The following TUSC3 variants were observed in gnomAD, a reference collection of about 807,000 sequenced individuals.
TUSC3 encodes the protein dolichyl-diphosphooligosaccharide--protein glycosyltransferase subunit TUSC3.
A neutral mutation model predicts 44.8 loss-of-function variants in TUSC3; 45 were observed. The observed-to-expected ratio is 1.00, with a 90% CI of 0.79 to 1.29. The LOEUF (loss-of-function observed/expected upper bound fraction) is 1.29, where lower values mean the gene tolerates loss of function less well. Among genes scored for constraint, TUSC3 ranks in the 50% most tolerant of loss-of-function variants. The pLI, the probability that TUSC3 is intolerant of heterozygous loss-of-function variation, is 0.00. For missense variants in TUSC3, 519 were observed against 437.9 expected, an observed-to-expected ratio of 1.19 and a Z score of -1.65; for synonymous variants, 212 against 152.9, an observed-to-expected ratio of 1.39 and a Z score of -2.85.
chr8:15,803,951 G>A, the TUSC3 span, among the ~76,000 whole-genome samples: 13 of 152,118 alleles, frequency 8.5e-5, no homozygotes, highest in East Asian at 7.7e-4. Flanking sequence ...GTCTATCATC[G>A]ATGGGCATTT....
intron 6 of TUSC3, among the ~76,000 whole-genome samples, chr8:15,689,867 A>AAT (rs3988418): frequency 0.36 from 51,388 of 142,744 alleles, 9,488 homozygotes; most frequent in South Asian, 0.48. Context: ...TGTGTGTATA[A>AAT]ATATATATAT....
chr8:15,639,553 C>T (rs1392501651), intron 2 of TUSC3, among the ~76,000 whole-genome samples: 2 of 152,134 alleles, frequency 1.3e-5, no homozygotes, highest in African/African-American at 2.4e-5. Context: ...ATCTTGATAG[C>T]TGCTTTTAAG....
rs377440855 is a variant in TUSC3 at position 15,735,677 on chromosome 8, C to T, written c.862+4948C>T. ...TGAAAAGATCATCATAATAAAGATACAGTGGATATGTTGATTTATTTTTTA... is the reference window on the plus strand; with the variant it reads ...TGAAAAGATCATCATAATAAAGATATAGTGGATATGTTGATTTATTTTTTA... On this transcript the variant is annotated intron_variant, in intron 7 of 10. Transcript: ENST00000503731. Among the ~76,000 whole-genome samples the T allele has an allele frequency of 7.8e-4, 119 of 152,060 alleles. 1 individual carries two copies. Among genetic ancestry groups the T allele is most frequent in the South Asian group, 5.4e-3 (26 of 4,820 alleles).
At chr8:15,526,576 G>A (rs538994655) in intron 2 of TUSC3, among the ~76,000 whole-genome samples, 2 of 135,716 alleles carry the variant, frequency 1.5e-5, no homozygotes, top group South Asian at 4.3e-4. Flanking sequence ...GTTTTATAAT[G>A]GGTTTCCCCT....
chr8:15,656,252 C>A (rs990925568), intron 3 of TUSC3, among the ~76,000 whole-genome samples: 1 of 152,094 alleles, frequency 6.6e-6, no homozygotes, highest in Non-Finnish European at 1.5e-5. Context: ...AGTACCAACT[C>A]AAAATTCCAA....
At chr8:15,841,091 A>C in the TUSC3 span, among the ~76,000 whole-genome samples, 1 of 152,120 alleles carries the variant, frequency 6.6e-6, no homozygotes, top group Admixed American at 6.6e-5. Context: ...CTAGTTTGGC[A>C]TTAATTATCA....
Position 15,522,221 on chromosome 8 carries a change from A to G in TUSC3, n.189+38738A>G, listed in dbSNP as rs118033446. Among the ~76,000 whole-genome samples the G allele has an allele frequency of 2.2e-3, 332 of 151,792 alleles. 1 individual carries two copies. In the East Asian group the frequency reaches 0.023, roughly 11 times the overall value. ...GGTAAGTGCTAGTAAGTCAATAAAT[A>G]GTATTCAGCCCTTTGTTTTTTTTTT... On this transcript the variant is annotated intron_variant and non_coding_transcript_variant, in intron 2 of 5. Coordinates refer to the TUSC3 transcript ENST00000503191.
the TUSC3 span, among the ~76,000 whole-genome samples, chr8:15,775,546 T>C: frequency 6.6e-6 from 1 of 151,826 alleles, no homozygotes; most frequent in Non-Finnish European, 1.5e-5. Flanking sequence ...CAAGAAGACA[T>C]GGTTCTCTTA....
At chr8:15,573,162 C>CTCTT (rs1554516640) in intron 1 of TUSC3, among the ~76,000 whole-genome samples, 7 of 105,086 alleles carry the variant, frequency 6.7e-5, no homozygotes, top group African/African-American at 2.8e-4. Context: ...ATAGTGTTCT[C>CTCTT]TCTCTTTCTC....
rs1585784739 is a variant in TUSC3 at position 15,429,495 on chromosome 8, A to G, written n.91+12190A>G. Reference sequence around the variant, plus strand: ...TATGAACTTCAAAGTAGTTTTTTCCAATTCTGTGAAGAAAGTCACTGGTAG... The same window carrying G: ...TATGAACTTCAAAGTAGTTTTTTCCGATTCTGTGAAGAAAGTCACTGGTAG... On this transcript the variant is annotated intron_variant and non_coding_transcript_variant, in intron 1 of 5. Transcript: ENST00000503191. 5.3e-5 allele frequency among the ~76,000 whole-genome samples: 8 copies of G among 151,368 alleles called. No individual in the cohort carries two copies. The South Asian group carries it at 1.7e-3, about 31-fold the overall frequency.
At chr8:15,423,595 T>C (rs1799764444) in intron 1 of TUSC3, among the ~76,000 whole-genome samples, 1 of 152,228 alleles carries the variant, frequency 6.6e-6, no homozygotes. Context: ...ACTCGATTTT[T>C]CTAGTTGTCC....
Position 15,485,986 on chromosome 8 carries a change from G to A in TUSC3, n.189+2503G>A, listed in dbSNP as rs759992961. Among the ~76,000 whole-genome samples, 22 of 152,098 alleles carry A rather than the reference G, an allele frequency of 1.4e-4. 1 individual carries two copies. Among genetic ancestry groups the A allele is most frequent in the Non-Finnish European group, 1.9e-4 (13 of 68,006 alleles). On this transcript the variant is annotated intron_variant and non_coding_transcript_variant, in intron 2 of 5. Coordinates refer to the TUSC3 transcript ENST00000503191. Reference sequence around the variant, plus strand: ...TTTTTGTATATTTAGTAGAGTCGGGGTTTCGCCATGTTGGGCAGGCTGGTC... The same window carrying A: ...TTTTTGTATATTTAGTAGAGTCGGGATTTCGCCATGTTGGGCAGGCTGGTC...
chr8:15,478,320 G>T (rs1473048186), intron 1 of TUSC3, among the ~76,000 whole-genome samples: 1 of 151,970 alleles, frequency 6.6e-6, no homozygotes, highest in Non-Finnish European at 1.5e-5. Flanking sequence ...GGATGTGCAG[G>T]GTTTTTACAT....
chr8:15,671,634 T>C (rs188728769), intron 5 of TUSC3, among the ~76,000 whole-genome samples: 1 of 152,144 alleles, frequency 6.6e-6, no homozygotes, highest in East Asian at 1.9e-4. Context: ...CTTGATTAAT[T>C]ATGTATTAAG....
At chr8:15,810,605 T>C in the TUSC3 span, among the ~76,000 whole-genome samples, 12 of 151,836 alleles carry the variant, frequency 7.9e-5, no homozygotes, top group Non-Finnish European at 1.3e-4. Context: ...ACTACTGCAC[T>C]CTAGGCTGGG....
chr8:15,827,359 T>C, the TUSC3 span, among the ~76,000 whole-genome samples: 1 of 152,210 alleles, frequency 6.6e-6, no homozygotes, highest in African/African-American at 2.4e-5. Flanking sequence ...ACTAGTGTCA[T>C]ATATGATATT....
intron 3 of TUSC3, among the ~76,000 whole-genome samples, chr8:15,658,140 A>T (rs1390945617): frequency 6.6e-6 from 1 of 152,204 alleles, no homozygotes; most frequent in Admixed American, 6.5e-5. Flanking sequence ...ACCATAGCAA[A>T]CATGGACCAA....
intron 9 of TUSC3, among the ~76,000 whole-genome samples, chr8:15,749,608 G>A (rs1007838839): frequency 1.3e-5 from 2 of 151,900 alleles, no homozygotes; most frequent in African/African-American, 4.8e-5. Context: ...CAAGGGTTAT[G>A]AGAGAGGCAA....
chr8:15,611,842 A>G (rs1022948958), intron 1 of TUSC3, among the ~76,000 whole-genome samples: 1 of 152,302 alleles, frequency 6.6e-6, no homozygotes, highest in Middle Eastern at 3.4e-3. Context: ...GTATGACATA[A>G]TATTAAGAAA....
Sources: gnomAD v4.1 joint callset for allele counts (sites outside exome capture counted in the v4.1 genomes callset) on GRCh38, gnomAD v4.1.1 for gene constraint, MANE v1.5 for transcripts, NCBI Gene and HGNC (gene_info 2026-07-23, HGNC 2026-07-21) for gene names.